CDK11A: variants seen among roughly 807,000 people sequenced by gnomAD.
CDK11A encodes cyclin dependent kinase 11A, also known as cyclin-dependent kinase 11A.
In CDK11A, 55 loss-of-function variants were observed where a neutral mutation model predicts 83.6. The observed-to-expected ratio is 0.66, with a 90% CI of 0.53 to 0.82. CDK11A has a LOEUF of 0.82. CDK11A is among the 40% of genes least tolerant of loss of function. The pLI is 0.00. For synonymous variants in CDK11A, 247 were observed against 302.7 expected (o/e 0.82, Z 1.91); for missense variants, 564 against 810.1 (o/e 0.70, Z 3.69).
rs1041886762 is a variant in CDK11A at position 1,721,392 on chromosome 1, A to G, written c.227+204T>C. On this transcript the variant is annotated intron_variant, in intron 3 of 19. Transcript: ENST00000404249. ...TAGGAAAGAGTAAACCTCAATAGTT[A>G]CAACAGCACACCCTGTCACGGTAAC... 1.3e-4 allele frequency among the ~76,000 whole-genome samples: 20 copies of G among 151,082 alleles called. 1 individual carries two copies. The highest frequency in any genetic ancestry group is 1.1e-3 in the Admixed American group (17 of 15,110).
chr1:1,704,539 C>G lies in CDK11A; in HGVS notation c.1564+11G>C, dbSNP rs370754193. Reference sequence around the variant, plus strand: ...CTTGTACGCAGACAGGACCCCGGGGCGCGGCTGTACCTGGCAGGAAGGGCT... The same window carrying G: ...CTTGTACGCAGACAGGACCCCGGGGGGCGGCTGTACCTGGCAGGAAGGGCT... On this transcript the variant is annotated intron_variant, in intron 14 of 19. Coordinates refer to ENST00000404249, the MANE Select transcript of CDK11A (RefSeq NM_024011.4). The G allele has an allele frequency of 1.2e-6, 2 of 1,603,738 alleles. No homozygotes were observed. Among genetic ancestry groups the G allele is most frequent in the Non-Finnish European group, 1.7e-6 (2 of 1,174,260 alleles).
At chr1:1,716,548 T>G in intron 4 of CDK11A, 70 bp from the exon 5 acceptor site, 1 of 1,514,108 alleles carries the variant, frequency 6.6e-7, no homozygotes, top group Non-Finnish European at 9.1e-7. Context: ...GCACGGTGGC[T>G]TACGCCTGTA....
Position 1,704,970 on chromosome 1 carries a change from C to G in CDK11A, c.1392G>C (p.Pro464=), listed in dbSNP as rs779694484. Residue 464 remains proline, a synonymous_variant, in exon 13 of 20, where the codon CCG becomes CCC. Transcript: ENST00000404249. ...TGTTGATCTCCCTCAGGGACGTGAT[C>G]GGGAAGCCCTCCTTCTCCTTCTCCA... The part of the protein sequence containing the change: ...LKMEKEKEGF[P]ITSLREINTI... 3 of 1,598,364 alleles carry G rather than the reference C, an allele frequency of 1.9e-6. No individual in the cohort carries two copies. Among genetic ancestry groups the G allele is most frequent in the Non-Finnish European group, 2.6e-6 (3 of 1,173,534 alleles).
intron 4 of CDK11A, among the ~76,000 whole-genome samples, chr1:1,716,724 A>G (rs1644666919): frequency 7.0e-6 from 1 of 143,690 alleles, no homozygotes; most frequent in African/African-American, 2.6e-5. Flanking sequence ...CTGAGGCTGT[A>G]GAATCACTTG....
At chr1:1,719,170 C>G (rs1644800399) in intron 4 of CDK11A, 158 bp downstream of exon 4, 2 of 548,034 alleles carry the variant, frequency 3.6e-6, no homozygotes, top group Non-Finnish European at 5.9e-6. Flanking sequence ...CAGCTATTCT[C>G]TCTATAGCCC....
chr1:1,718,631 G>C lies in CDK11A; in HGVS notation c.355+697C>G, dbSNP rs1644774449. On this transcript the variant is annotated intron_variant, in intron 4 of 19. Transcript: ENST00000404249. ...TGTGACGCACGTATGCTTTCAGCTA[G>C]AGTATTCTTTTTTTTTTTTTTGAGA... is the stretch of plus-strand genomic sequence containing the variant. 1.6e-5 allele frequency among the ~76,000 whole-genome samples: 2 copies of C among 127,162 alleles called. 1 individual carries two copies. Among genetic ancestry groups the C allele is most frequent in the South Asian group, 5.1e-4 (2 of 3,908 alleles). 83.4% of individuals were successfully genotyped at this position (127,162 alleles called of 152,430 possible).
chr1:1,703,872 A>T lies in CDK11A; in HGVS notation c.1863T>A (p.Pro621=), dbSNP rs777429705. ...CIFGELLTQK[P]LFPGNSEIDQ... is the part of the protein sequence containing the mutation. Reference sequence around the variant, plus strand: ...CGATTTCCGAATTCCCGGGGAACAGAGGCTTCTGAGTCAGCAGCTCCCCGA... The same window carrying T: ...CGATTTCCGAATTCCCGGGGAACAGTGGCTTCTGAGTCAGCAGCTCCCCGA... Residue 621 remains proline (P), a synonymous_variant, in exon 17 of 20, where the codon CCT becomes CCA. Coordinates refer to ENST00000404249, the MANE Select transcript of CDK11A (RefSeq NM_024011.4). 1 of 1,609,748 alleles carries T rather than the reference A, an allele frequency of 6.2e-7. No individual in the cohort carries two copies. Among genetic ancestry groups the T allele is most frequent in the East Asian group, 2.2e-5 (1 of 44,800 alleles).
In CDK11A at chr1:1,702,559, G is replaced by A. The variant is rs1644126879; in HGVS notation, c.*348C>T. On this transcript the variant is annotated 3_prime_UTR_variant, in exon 20 of 20. Coordinates refer to ENST00000404249, the MANE Select transcript of CDK11A (RefSeq NM_024011.4). ...ATCGCTCATCCCAACACAGAAACAG[G>A]TCTCCAGCTCCGAAGATTAAACAAT... Among the ~76,000 whole-genome samples the A allele has an allele frequency of 1.8e-5, 2 of 110,226 alleles. No homozygotes were observed. The highest frequency in any genetic ancestry group is 2.9e-4 in the East Asian group (1 of 3,476). 72.3% of individuals were successfully genotyped at this position (110,226 alleles called of 152,430 possible). A position where few individuals can be genotyped will look rare whatever the true frequency, so the allele number is the denominator to read the frequency against.
chr1:1,716,947 G>A (rs1300447764), intron 4 of CDK11A, among the ~76,000 whole-genome samples: 5 of 139,804 alleles, frequency 3.6e-5, no homozygotes, highest in Non-Finnish European at 7.7e-5. Flanking sequence ...GAAGAGACAG[G>A]GTCTCACTAT....
rs201308032 is a variant in CDK11A, at chr1:1,704,651, A to G, written c.1463T>C (p.Ile488Thr). The change falls in exon 14 of 20, where the codon ATT (isoleucine) becomes ACT (threonine). Residue 488 changes from isoleucine to threonine, a missense_variant. Physicochemically the swap from Ile to Thr is moderately conservative, Grantham distance 89 (BLOSUM62 -1). Transcript: ENST00000404249. ...QHPNIVTVREIVVGSNMDKIY... is the reference protein window; with the variant it reads ...QHPNIVTVRETVVGSNMDKIY... Reference sequence around the variant, plus strand: ...CTTGTCCATGTTGCTGCCCACCACAATCTCCTGCAGGGCACGGCTCTGTGG... The same window carrying G: ...CTTGTCCATGTTGCTGCCCACCACAGTCTCCTGCAGGGCACGGCTCTGTGG... The G allele has an allele frequency of 6.5e-5, 104 of 1,596,448 alleles. 4 individuals are homozygous for G. In the African/African-American group the frequency reaches 7.6e-4, roughly 12 times the overall value.
Position 1,708,383 on chromosome 1 carries a change from G to C in CDK11A, c.1004-138C>G, listed in dbSNP as rs938035295. 40 of 1,429,652 alleles carry C rather than the reference G, an allele frequency of 2.8e-5. 2 individuals are homozygous for C. Among genetic ancestry groups the C allele is most frequent in the Non-Finnish European group, 3.4e-5 (36 of 1,069,006 alleles). 88.6% of individuals were successfully genotyped at this position (1,429,652 alleles called of 1,614,324 possible). A position where few individuals can be genotyped will look rare whatever the true frequency, so the allele number is the denominator to read the frequency against. ...AGGCTGGGCGCGGTGGCTCACGCCT[G>C]TAATCCCAGTGCTTTGGGAGGCCGA... On this transcript the variant is annotated intron_variant, in intron 9 of 19. Coordinates refer to ENST00000404249, the MANE Select transcript of CDK11A (RefSeq NM_024011.4).
chr1:1,722,751 C>T lies in CDK11A; in HGVS notation c.68G>A (p.Arg23Lys), dbSNP rs571630372. The T allele has an allele frequency of 5.4e-6, 8 of 1,489,530 alleles. No individual in the cohort carries two copies. The highest frequency in any genetic ancestry group is 4.7e-5 in the African/African-American group (3 of 63,542). The allele number at this position is 1,489,530 out of a possible 1,614,324, so 92.3% of individuals were successfully genotyped here. ...LDEILQEKKR[R>K]KEQEEKAEIK... ...CTCTGCTTTCTCCTCTTGTTCCTTCCTTCGTTTCTTTTCCTGAAGAATTTC... is the reference window on the plus strand; with the variant it reads ...CTCTGCTTTCTCCTCTTGTTCCTTCTTTCGTTTCTTTTCCTGAAGAATTTC... Residue 23 changes from arginine to lysine, a missense_variant, in exon 2 of 20, where the codon AGG becomes AAG. Transcript: ENST00000404249.
At chr1:1,706,156 T>C (rs1473071036) in intron 11 of CDK11A, among the ~76,000 whole-genome samples, 1 of 149,550 alleles carries the variant, frequency 6.7e-6, no homozygotes, top group African/African-American at 2.5e-5. Context: ...CACTGCAACC[T>C]CCACCTCCTG....
At position 1,704,909 on chromosome 1, in the gene CDK11A, C is replaced by T. The variant is rs758281969; in HGVS notation, c.1453G>A (p.Val485Ile). The T allele has an allele frequency of 1.4e-5, 22 of 1,597,818 alleles. 1 individual carries two copies. The highest frequency in any genetic ancestry group is 9.9e-5 in the African/African-American group (7 of 70,620). The stretch of plus-strand genomic sequence containing the variant: ...CGTGGTGGGGCCATGCTCACTCTAA[C>T]GGTGACAATGTTGGGATGCTGGGCC... ...LKAQHPNIVT[V>I]REIVVGSNMD... The change falls in exon 13 of 20, where the codon GTT (valine) becomes ATT (isoleucine). Residue 485 changes from valine to isoleucine, a missense_variant. By Grantham distance (29) the Val-to-Ile change is conservative. Transcript: ENST00000404249.
chr1:1,715,177 A>G (rs1402831893), intron 5 of CDK11A, among the ~76,000 whole-genome samples: 2 of 111,984 alleles, frequency 1.8e-5, no homozygotes, highest in African/African-American at 5.7e-5. Context: ...TGCTTCTCAG[A>G]TTATCCTTAT....
At chr1:1,707,338 C>T (rs1644354456) in intron 11 of CDK11A, 71 bp downstream of exon 11, 2 of 1,502,932 alleles carry the variant, frequency 1.3e-6, no homozygotes, top group South Asian at 1.3e-5. Flanking sequence ...GGGGGCCAGG[C>T]TTCGCTCAGC....
At chr1:1,704,775 C>A in intron 13 of CDK11A, 120 bp from the exon 14 acceptor site, 1 of 1,597,734 alleles carries the variant, frequency 6.3e-7, no homozygotes, top group South Asian at 1.1e-5. Context: ...CAAATACTTG[C>A]TTCTGTGTGG....
chr1:1,708,120 GA>G lies in CDK11A; in HGVS notation c.1069+59del, dbSNP rs1360927729. The stretch of plus-strand genomic sequence containing the variant: ...CCGCGCAGGACCGGCTGTCTTAGGA[GA>G]GGGCTGCTGCACTCGGAGACAGACA... On this transcript the variant is annotated intron_variant, in intron 10 of 19. Coordinates refer to ENST00000404249, the MANE Select transcript of CDK11A (RefSeq NM_024011.4). 12 of 1,582,710 alleles carry G rather than the reference GA, an allele frequency of 7.6e-6. No individual in the cohort carries two copies. In the African/African-American group the frequency reaches 1.5e-4, roughly 20 times the overall value.
Position 1,704,329 on chromosome 1 carries a change from A to G in CDK11A, c.1580T>C (p.Leu527Pro). ...QPFLPGEVKTLMIQLLRGVKH... is the reference protein window; with the variant it reads ...QPFLPGEVKTPMIQLLRGVKH... The stretch of plus-strand genomic sequence containing the variant: ...CACCCCCCGCAGCAGCTGGATCATC[A>G]GGGTCTTCACCTCCCCTGGGAGGGA... The change falls in exon 15 of 20, where the codon CTG (leucine) becomes CCG (proline). Residue 527 changes from leucine to proline, a missense_variant. Leu to Pro is a moderately conservative substitution (Grantham distance 98). Coordinates refer to ENST00000404249, the MANE Select transcript of CDK11A (RefSeq NM_024011.4). 3.7e-6 allele frequency: 6 copies of G among 1,607,270 alleles called. No homozygotes were observed. The East Asian group carries it at 1.1e-4, about 30-fold the overall frequency.
Sources: allele counts gnomAD v4.1 joint callset (sites outside exome capture counted in the v4.1 genomes callset), GRCh38; gene constraint gnomAD v4.1.1; transcripts MANE v1.5; gene names NCBI Gene and HGNC (gene_info 2026-07-23, HGNC 2026-07-21).